ALOXE3: variants seen among roughly 807,000 people sequenced by gnomAD.
ALOXE3 encodes arachidonate epidermal lipoxygenase 3, also known as hydroperoxide isomerase ALOXE3.
Under a neutral mutation model 87.5 loss-of-function variants are expected in ALOXE3, and 78 were observed. The ratio of observed to expected loss-of-function variants is 0.89; its 90% CI spans 0.74 to 1.08. The LOEUF (loss-of-function observed/expected upper bound fraction) is 1.08. Ranked by LOEUF, ALOXE3 falls within the 50% of genes least tolerant of loss-of-function variation. The pLI is 0.00. For synonymous variants in ALOXE3, 363 were observed against 370.8 expected (o/e 0.98, Z 0.24); for missense variants, 946 against 912.4 (o/e 1.04, Z -0.47).
chr17:8,113,056 C>T (rs576236622), intron 6 of ALOXE3, among the ~76,000 whole-genome samples: 1 of 152,240 alleles, frequency 6.6e-6, no homozygotes, highest in South Asian at 2.1e-4. Flanking sequence ...TTCATTTAAT[C>T]TTCACCTCTG....
intron 15 of ALOXE3, among the ~76,000 whole-genome samples, chr17:8,097,381 A>G (rs755518440): frequency 6.6e-6 from 1 of 152,186 alleles, no homozygotes; most frequent in Non-Finnish European, 1.5e-5. Context: ...ACCGAGATCA[A>G]AGTAAACACT....
intron 6 of ALOXE3, among the ~76,000 whole-genome samples, chr17:8,114,179 G>A (rs1980366090): frequency 6.6e-6 from 1 of 151,858 alleles, no homozygotes. Context: ...CTCGCTGGGG[G>A]CCCAATTAAC....
At chr17:8,097,183 A>G (rs1416175118) in intron 15 of ALOXE3, among the ~76,000 whole-genome samples, 1 of 152,130 alleles carries the variant, frequency 6.6e-6, no homozygotes, top group Non-Finnish European at 1.5e-5. Context: ...AGGCTGGAGT[A>G]CAGTGGTGTG....
intron 14 of ALOXE3, 111 bp downstream of exon 14, chr17:8,104,004 C>G (rs1979098478): frequency 2.2e-6 from 2 of 916,964 alleles, no homozygotes; most frequent in East Asian, 2.7e-5. Context: ...AACCCCAAGT[C>G]TAATCATAAA....
intron 8 of ALOXE3, 42 bp downstream of exon 8, chr17:8,111,317 C>G (rs771687266): frequency 2.5e-6 from 4 of 1,609,932 alleles, no homozygotes; most frequent in Non-Finnish European, 3.4e-6. Flanking sequence ...GTGACACACC[C>G]ACCTCCCACC....
chr17:8,114,413 G>A, intron 6 of ALOXE3, 71 bp downstream of exon 6: 1 of 1,609,110 alleles, frequency 6.2e-7, no homozygotes, highest in Non-Finnish European at 8.5e-7. Flanking sequence ...AGAAGGGGCA[G>A]TCTGGGAGCA....
In ALOXE3 at chr17:8,110,469, T is replaced by C. The variant is rs201870309; in HGVS notation, c.1017A>G (p.Leu339=). Residue 339 remains leucine, a synonymous_variant, in exon 9 of 16, where the codon CTA becomes CTG. Transcript: ENST00000448843. ...CGGCCACGTACTGCTGGCGGCCGTTTAGGCAGTGGGTGGGGGCCTCCGCCA... is the reference window on the plus strand; with the variant it reads ...CGGCCACGTACTGCTGGCGGCCGTTCAGGCAGTGGGTGGGGGCCTCCGCCA... ...WILAEAPTHC[L]NGRQQYVAAP... The C allele has an allele frequency of 1.2e-4, 187 of 1,613,798 alleles. No homozygotes were observed. The highest frequency in any genetic ancestry group is 1.1e-3 in the Admixed American group (67 of 59,996).
At chr17:8,106,974 C>T (rs1298941314) in intron 13 of ALOXE3, among the ~76,000 whole-genome samples, 2 of 151,930 alleles carry the variant, frequency 1.3e-5, no homozygotes, top group Non-Finnish European at 2.9e-5. Context: ...TATGAATCTA[C>T]AATAGGTTTA....
At chr17:8,111,996 G>T in intron 7 of ALOXE3, 97 bp downstream of exon 7, 1 of 1,113,898 alleles carries the variant, frequency 9.0e-7, no homozygotes, top group Non-Finnish European at 1.4e-6. Flanking sequence ...AGTCTCCCTG[G>T]GAGGGCTGGG....
intron 13 of ALOXE3, among the ~76,000 whole-genome samples, chr17:8,104,498 C>T (rs2151832068): frequency 6.6e-6 from 1 of 152,292 alleles, no homozygotes; most frequent in South Asian, 2.1e-4. Flanking sequence ...CTCTCCCTGA[C>T]TTCCAAGGCA....
chr17:8,110,249 T>A lies in ALOXE3; in HGVS notation c.1148A>T (p.Asp383Val), dbSNP rs1567999658. The change falls in exon 10 of 16, where the codon GAC becomes GTC. Residue 383 changes from aspartate (D) to valine (V), a missense_variant. By Grantham distance (152) the Asp-to-Val change is radical. Coordinates refer to ENST00000448843, the MANE Select transcript of ALOXE3 (RefSeq NM_021628.3). ...GPDSPIFLPT[D>V]SEWDWLLAKT... ...GGCCAGCAGCCAGTCCCATTCGGAGTCAGTGGGCAGGAAGATGGGGCTGTC... is the reference window on the plus strand; with the variant it reads ...GGCCAGCAGCCAGTCCCATTCGGAGACAGTGGGCAGGAAGATGGGGCTGTC... 2 of 1,613,764 alleles carry A rather than the reference T, an allele frequency of 1.2e-6. No homozygotes were observed. The highest frequency in any genetic ancestry group is 1.7e-6 in the Non-Finnish European group (2 of 1,179,914).
chr17:8,109,264 A>C lies in ALOXE3; in HGVS notation c.1472T>G (p.Leu491Arg). The part of the protein sequence containing the change: ...LAHFTYTNFC[L>R]PDSLRARGVL... ...GCCGCGGGCCCGCAGGCTGTCCGGA[A>C]GGCAGAAATTGGTGTAGGTGAAGTG... is the stretch of plus-strand genomic sequence containing the variant. Residue 491 changes from leucine (L) to arginine (R), a missense_variant, in exon 12 of 16, where the codon CTT becomes CGT. Physicochemically the swap from Leu to Arg is moderately radical, Grantham distance 102 (BLOSUM62 -2). Transcript: ENST00000448843. The C allele has an allele frequency of 1.9e-6, 3 of 1,614,136 alleles. No homozygotes were observed. Among genetic ancestry groups the C allele is most frequent in the Non-Finnish European group, 2.5e-6 (3 of 1,180,040 alleles).
chr17:8,107,057 T>G (rs745798033), intron 13 of ALOXE3, among the ~76,000 whole-genome samples: 1 of 152,100 alleles, frequency 6.6e-6, no homozygotes, highest in Admixed American at 6.5e-5. Context: ...TGAAATAAAG[T>G]AAGATAGGAG....
At chr17:8,102,704 AG>A (rs1979001886) in intron 15 of ALOXE3, among the ~76,000 whole-genome samples, 1 of 152,182 alleles carries the variant, frequency 6.6e-6, no homozygotes, top group Non-Finnish European at 1.5e-5. Context: ...CTTGTCCTGC[AG>A]ATTTCAACTT....
chr17:8,099,660 CAAA>C (rs765798080), intron 15 of ALOXE3, among the ~76,000 whole-genome samples: 1 of 107,954 alleles, frequency 9.3e-6, no homozygotes, highest in Non-Finnish European at 1.9e-5. Flanking sequence ...GACTCTGTCT[CAAA>C]AAAAAAAAAA....
intron 12 of ALOXE3, 76 bp downstream of exon 12, chr17:8,109,098 C>A: frequency 1.3e-6 from 2 of 1,588,712 alleles, no homozygotes; most frequent in Non-Finnish European, 1.7e-6. Flanking sequence ...TCCCCAGGCG[C>A]CATGAGCGCA....
In ALOXE3 at chr17:8,096,444, C is replaced by T; in HGVS notation, c.*183G>A. 6.4e-6 allele frequency: 4 copies of T among 629,864 alleles called. No homozygotes were observed. 39.0% of individuals were successfully genotyped at this position (629,864 alleles called of 1,614,324 possible). On this transcript the variant is annotated 3_prime_UTR_variant, in exon 16 of 16. Coordinates refer to ENST00000448843, the MANE Select transcript of ALOXE3 (RefSeq NM_021628.3). ...AACCTGGACGCTGCTGTGCTGGTCT[C>T]TCACAGCTCAGGGCCCAGTTTGTAT...
At chr17:8,097,279 G>A (rs1978603121) in intron 15 of ALOXE3, among the ~76,000 whole-genome samples, 1 of 152,092 alleles carries the variant, frequency 6.6e-6, no homozygotes, top group African/African-American at 2.4e-5. Context: ...ACAGGTGTGA[G>A]CCACCGTGCC....
Position 8,110,439 on chromosome 17 carries a change from T to C in ALOXE3, c.1047A>G (p.Pro349=), listed in dbSNP as rs756064543. ...LNGRQQYVAA[P]LCLLWLSPQG... ...GGGGGCTGAGCCACAGCAGGCACAG[T>C]GGGGCGGCCACGTACTGCTGGCGGC... The change falls in exon 9 of 16, where the codon CCA becomes CCG. Residue 349 remains proline (P), a synonymous_variant. Coordinates refer to ENST00000448843, the MANE Select transcript of ALOXE3 (RefSeq NM_021628.3). 6.8e-6 allele frequency: 11 copies of C among 1,612,992 alleles called. No individual in the cohort carries two copies. The highest frequency in any genetic ancestry group is 9.3e-6 in the Non-Finnish European group (11 of 1,179,470).
Sources: allele counts gnomAD v4.1 joint callset (sites outside exome capture counted in the v4.1 genomes callset), GRCh38; gene constraint gnomAD v4.1.1; transcripts MANE v1.5; gene names NCBI Gene and HGNC (gene_info 2026-07-23, HGNC 2026-07-21).